PRKG1: variants seen among roughly 807,000 people sequenced by gnomAD.
PRKG1 encodes cGMP-dependent protein kinase 1.
A neutral mutation model predicts 88.1 loss-of-function variants in PRKG1; 35 were observed. The ratio of observed to expected loss-of-function variants is 0.40; its 90% CI spans 0.30 to 0.53. PRKG1 has a LOEUF of 0.53. PRKG1 is among the 20% of genes least tolerant of loss of function. PRKG1 has a pLI of 0.59. For synonymous variants in PRKG1, 303 were observed against 292.5 expected, an observed-to-expected ratio of 1.04 and a Z score of -0.37; for missense variants, 540 against 839.8, an observed-to-expected ratio of 0.64 and a Z score of 4.41.
chr10:51,192,937 T>G (rs1290898494), intron 2 of PRKG1, among the ~76,000 whole-genome samples: 1 of 152,012 alleles, frequency 6.6e-6, no homozygotes, highest in African/African-American at 2.4e-5. Context: ...CTCTACCAAT[T>G]TTGTAGTTTA....
chr10:51,200,008 A>C (rs1163049869), intron 2 of PRKG1, among the ~76,000 whole-genome samples: 1 of 152,184 alleles, frequency 6.6e-6, no homozygotes, highest in African/African-American at 2.4e-5. Flanking sequence ...AAGCCTACAA[A>C]ACACTAGGGA....
chr10:51,094,524 A>T (rs765714204), intron 1 of PRKG1, among the ~76,000 whole-genome samples: 1 of 152,078 alleles, frequency 6.6e-6, no homozygotes, highest in Non-Finnish European at 1.5e-5. Flanking sequence ...TTTGGATCCC[A>T]GTGTGCTTTA....
chr10:51,352,806 T>TATATTGAGCAAAAATA (rs1406129839), intron 2 of PRKG1, among the ~76,000 whole-genome samples: 1 of 152,004 alleles, frequency 6.6e-6, no homozygotes, highest in African/African-American at 2.4e-5. Flanking sequence ...GAGTCAAAGT[T>TATATTGAGCAAAAATA]ATATTGAGCA....
chr10:52,019,551 A>G (rs1845128922), intron 5 of PRKG1, among the ~76,000 whole-genome samples: 1 of 152,198 alleles, frequency 6.6e-6, no homozygotes, highest in South Asian at 2.1e-4. Context: ...AACCTGTCTA[A>G]AATCTAGCCA....
At chr10:51,021,913 T>TGTC (rs1843142793) in intron 1 of PRKG1, among the ~76,000 whole-genome samples, 1 of 152,204 alleles carries the variant, frequency 6.6e-6, no homozygotes, top group Non-Finnish European at 1.5e-5. Flanking sequence ...ACTCCTGACC[T>TGTC]CAGGCAATCC....
intron 3 of PRKG1, among the ~76,000 whole-genome samples, chr10:51,734,919 G>A (rs1205023283): frequency 1.3e-5 from 2 of 152,184 alleles, no homozygotes; most frequent in African/African-American, 4.8e-5. Context: ...TCTATAGTGT[G>A]TTATATGCTC....
chr10:51,903,781 G>C (rs750206305), intron 4 of PRKG1, among the ~76,000 whole-genome samples: 13 of 152,032 alleles, frequency 8.6e-5, no homozygotes, highest in Non-Finnish European at 1.8e-4. Flanking sequence ...TCATTGAAAA[G>C]TATGTAGCTC....
At chr10:51,464,011 C>T (rs1839813508) in intron 2 of PRKG1, among the ~76,000 whole-genome samples, 1 of 152,100 alleles carries the variant, frequency 6.6e-6, no homozygotes, top group South Asian at 2.1e-4. Flanking sequence ...ATAGCTCACG[C>T]CTGTAATCCC....
Position 52,118,992 on chromosome 10 carries a change from T to C in PRKG1, c.936-14848T>C, listed in dbSNP as rs72803140. 3.8e-3 allele frequency among the ~76,000 whole-genome samples: 576 copies of C among 152,292 alleles called. 6 individuals carry two copies. Among genetic ancestry groups the C allele is most frequent in the Non-Finnish European group, 5.2e-3 (351 of 67,980 alleles). On this transcript the variant is annotated intron_variant, in intron 7 of 17. Coordinates refer to ENST00000373980, the MANE Select transcript of PRKG1 (RefSeq NM_006258.4). The stretch of plus-strand genomic sequence containing the variant: ...GGTTTTATACACATTTATTACATTT[T>C]CTTGACTTTTTATTGTGAGAATCTA...
At chr10:51,607,649 G>C (rs1206714258) in intron 3 of PRKG1, among the ~76,000 whole-genome samples, 1 of 152,224 alleles carries the variant, frequency 6.6e-6, no homozygotes, top group Non-Finnish European at 1.5e-5. Context: ...CCCGAAGCCA[G>C]TTGGATCCCT....
intron 3 of PRKG1, among the ~76,000 whole-genome samples, chr10:51,610,949 T>C (rs1421694110): frequency 6.6e-6 from 1 of 151,898 alleles, no homozygotes; most frequent in African/African-American, 2.4e-5. Context: ...CAAGCAGGGC[T>C]TAAAACCTAG....
At chr10:51,053,742 C>T (rs1454525231) in intron 1 of PRKG1, among the ~76,000 whole-genome samples, 1 of 151,154 alleles carries the variant, frequency 6.6e-6, no homozygotes, top group African/African-American at 2.4e-5. Flanking sequence ...CTTGACCACA[C>T]AGCCTTATAG....
chr10:51,332,415 AATC>A (rs1841764962), intron 2 of PRKG1, among the ~76,000 whole-genome samples: 1 of 150,916 alleles, frequency 6.6e-6, no homozygotes, highest in South Asian at 2.1e-4. Flanking sequence ...CACCTAAAAA[AATC>A]ACACTGAGGA....
At chr10:51,254,547 C>T (rs1236434304) in intron 2 of PRKG1, among the ~76,000 whole-genome samples, 1 of 151,880 alleles carries the variant, frequency 6.6e-6, no homozygotes, top group African/African-American at 2.4e-5. Context: ...AAAACAATAA[C>T]AACACCTTAC....
At chr10:51,133,049 A>G (rs1845609805) in intron 1 of PRKG1, among the ~76,000 whole-genome samples, 2 of 152,110 alleles carry the variant, frequency 1.3e-5, no homozygotes, top group Admixed American at 6.6e-5. Context: ...TTACAATGAA[A>G]TCTGAGACAT....
At chr10:51,612,224 T>C (rs1261486990) in intron 3 of PRKG1, among the ~76,000 whole-genome samples, 1 of 152,132 alleles carries the variant, frequency 6.6e-6, no homozygotes, top group Non-Finnish European at 1.5e-5. Context: ...GCAGATTGCT[T>C]TGGGCAGTAT....
At chr10:52,006,281 T>C (rs923732428) in intron 5 of PRKG1, among the ~76,000 whole-genome samples, 2 of 152,166 alleles carry the variant, frequency 1.3e-5, no homozygotes, top group Non-Finnish European at 2.9e-5. Context: ...TCAACAAGGC[T>C]GAAATGGCCG....
chr10:51,481,823 C>T (rs535430482), intron 3 of PRKG1, among the ~76,000 whole-genome samples: 66 of 151,682 alleles, frequency 4.4e-4, no homozygotes, highest in African/African-American at 1.5e-3. Flanking sequence ...TTCATTATTT[C>T]GCCTTGAAAT....
chr10:51,069,486 A>T (rs1157669019), intron 1 of PRKG1, among the ~76,000 whole-genome samples: 1 of 152,066 alleles, frequency 6.6e-6, no homozygotes, highest in Non-Finnish European at 1.5e-5. Context: ...ACAATAAAGC[A>T]AAAAGGGATC....
Sources: allele counts gnomAD v4.1 joint callset (sites outside exome capture counted in the v4.1 genomes callset), GRCh38; gene constraint gnomAD v4.1.1; transcripts MANE v1.5; gene names NCBI Gene and HGNC (gene_info 2026-07-23, HGNC 2026-07-21).